The following ADAT3 variants were observed in gnomAD, a reference collection of about 807,000 sequenced individuals.
ADAT3 encodes the protein tRNA-specific adenosine-34 deaminase regulatory subunit ADAT3.
Under a neutral mutation model 3.5 loss-of-function variants are expected in ADAT3, and 2 were observed. That is an observed-to-expected ratio of 0.57 (90% CI 0.23 to 1.79). The LOEUF is 1.79. Ranked by LOEUF, ADAT3 falls within the 40% of genes most tolerant of loss-of-function variation. ADAT3 has a pLI of 0.18. For synonymous variants in ADAT3, 358 were observed against 270.3 expected (o/e 1.32, Z -3.18); for missense variants, 735 against 571.4 (o/e 1.29, Z -2.92).
Position 1,912,824 on chromosome 19 carries a change from C to A in ADAT3, c.777C>A (p.Phe259Leu), listed in dbSNP as rs921199964. The change falls in exon 2 of 2, where the codon TTC (phenylalanine) becomes TTA (leucine). Residue 259 changes from phenylalanine (F) to leucine (L), a missense_variant. By Grantham distance (22) the Phe-to-Leu change is conservative (BLOSUM62 0). Transcript: ENST00000329478. Reference protein sequence around the residue: ...ARGQGRGTYDFRPFPACSFAP... With the variant: ...ARGQGRGTYDLRPFPACSFAP... ...GCCAGGGCCGCGGCACCTACGACTT[C>A]AGACCCTTCCCCGCCTGCTCCTTCG... is the stretch of plus-strand genomic sequence containing the variant. 1.2e-5 allele frequency: 19 copies of A among 1,590,370 alleles called. No individual in the cohort carries two copies. The highest frequency in any genetic ancestry group is 1.1e-4 in the African/African-American group (8 of 74,486).
chr19:1,906,745 G>C (rs2013135482), intron 1 of ADAT3: 1 of 152,188 alleles, frequency 6.6e-6, no homozygotes, highest in East Asian at 1.9e-4. Context: ...TACTCCCAAA[G>C]GAGGCTGAGG....
In ADAT3 at chr19:1,912,024, C is replaced by G. The variant is rs942301533; in HGVS notation, c.-24C>G. The G allele has an allele frequency of 1.3e-5, 19 of 1,417,234 alleles. No homozygotes were observed. Among genetic ancestry groups the G allele is most frequent in the Non-Finnish European group, 1.6e-5 (18 of 1,092,382 alleles). 87.8% of individuals were successfully genotyped at this position (1,417,234 alleles called of 1,614,324 possible). A position where few individuals can be genotyped will look rare whatever the true frequency, so the allele number is the denominator to read the frequency against. ...CTCCCGGGACGGACTCCCCGGCTCT[C>G]CCCCAGCCGCCCGCAGCCGCCGGAT... On this transcript the variant is annotated 5_prime_UTR_variant, in exon 2 of 2. Transcript: ENST00000329478.
chr19:1,911,728 A>T (rs1002285927), intron 1 of ADAT3, among the ~76,000 whole-genome samples, 162 bp from the exon 2 acceptor site: 3 of 152,186 alleles, frequency 2.0e-5, no homozygotes, highest in Admixed American at 2.0e-4. Flanking sequence ...GGTTGCAGTG[A>T]GCTGAGATCA....
chr19:1,907,659 C>T (rs929388471), intron 1 of ADAT3, among the ~76,000 whole-genome samples: 4 of 152,148 alleles, frequency 2.6e-5, no homozygotes, highest in Non-Finnish European at 5.9e-5. Context: ...GGGTCTGACT[C>T]ACCTGCCTGG....
At position 1,912,271 on chromosome 19, in the gene ADAT3, T is replaced by C. The variant is rs760046379; in HGVS notation, c.224T>C (p.Leu75Pro). The change falls in exon 2 of 2, where the codon CTC (leucine) becomes CCC (proline). Residue 75 changes from leucine (L) to proline (P), a missense_variant. Coordinates refer to ENST00000329478, the MANE Select transcript of ADAT3 (RefSeq NM_138422.4). ...PVLDKRQTSR[L>P]LKEVSALHPL... ...CTGGACAAGCGCCAGACCTCACGCC[T>C]CCTGAAGGAGGTGTCGGCCCTGCAC... 1.3e-6 allele frequency: 2 copies of C among 1,591,976 alleles called. No individual in the cohort carries two copies. Among genetic ancestry groups the C allele is most frequent in the Non-Finnish European group, 1.7e-6 (2 of 1,172,760 alleles).
At position 1,912,114 on chromosome 19, in the gene ADAT3, C is replaced by T. The variant is rs1482874328; in HGVS notation, c.67C>T (p.Leu23Phe). The change falls in exon 2 of 2, where the codon CTC becomes TTC. Residue 23 changes from leucine to phenylalanine, a missense_variant. By Grantham distance (22) the Leu-to-Phe change is conservative. Transcript: ENST00000329478. ...ASLRMEPAPG[L>F]VEQPKCLEAG... ...GCTGAGGATGGAGCCCGCCCCGGGCCTCGTGGAGCAGCCCAAGTGCTTGGA... is the reference window on the plus strand; with the variant it reads ...GCTGAGGATGGAGCCCGCCCCGGGCTTCGTGGAGCAGCCCAAGTGCTTGGA... The T allele has an allele frequency of 2.6e-6, 4 of 1,531,484 alleles. No individual in the cohort carries two copies. Among genetic ancestry groups the T allele is most frequent in the African/African-American group, 2.8e-5 (2 of 72,312 alleles). 94.9% of individuals were successfully genotyped at this position (1,531,484 alleles called of 1,614,324 possible).
chr19:1,907,814 C>T (rs1261422954), intron 1 of ADAT3, among the ~76,000 whole-genome samples: 2 of 152,130 alleles, frequency 1.3e-5, no homozygotes, highest in East Asian at 3.9e-4. Context: ...TGGCCCCCTG[C>T]TGTTGGGGGG....
Position 1,913,242 on chromosome 19 carries a change from T to C in ADAT3, c.*91T>C. On this transcript the variant is annotated 3_prime_UTR_variant, in exon 2 of 2. Coordinates refer to ENST00000329478, the MANE Select transcript of ADAT3 (RefSeq NM_138422.4). The stretch of plus-strand genomic sequence containing the variant: ...GGCCTCGATTTCTTCCGCACAAGCC[T>C]GACCGTGGATTTCAGGGACACATAC... 1 of 1,439,244 alleles carries C rather than the reference T, an allele frequency of 6.9e-7. No homozygotes were observed. The highest frequency in any genetic ancestry group is 2.6e-4 in the Middle Eastern group (1 of 3,918). The allele number at this position is 1,439,244 out of a possible 1,614,324, so 89.2% of individuals were successfully genotyped here. A position where few individuals can be genotyped will look rare whatever the true frequency, so the allele number is the denominator to read the frequency against.
chr19:1,908,294 C>T lies in ADAT3; in HGVS notation c.-159+2855C>T, dbSNP rs1386076423. The T allele has an allele frequency of 3.7e-5, 12 of 326,046 alleles. No individual in the cohort carries two copies. The highest frequency in any genetic ancestry group is 6.1e-5 in the Non-Finnish European group (10 of 164,518). The allele number at this position is 326,046 out of a possible 1,614,324, so 20.2% of individuals were successfully genotyped here. A position where few individuals can be genotyped will look rare whatever the true frequency, so the allele number is the denominator to read the frequency against. On this transcript the variant is annotated intron_variant, in intron 1 of 1. Coordinates refer to ENST00000329478, the MANE Select transcript of ADAT3 (RefSeq NM_138422.4). The surrounding 1 kb of genome is among the most constrained non-coding windows in gnomAD (Gnocchi z 4.2). The stretch of plus-strand genomic sequence containing the variant: ...ATCTCCGGTTCTGTGCTTTGTTGAA[C>T]GCGTGAGCTTCGGGCAGCGCTGGGG...
At chr19:1,906,162 C>G (rs75357097) in intron 1 of ADAT3, 1 of 151,784 alleles carries the variant, frequency 6.6e-6, no homozygotes, top group African/African-American at 2.4e-5. Flanking sequence ...GAGTTCGAGA[C>G]CAGCCTGTCT....
At chr19:1,907,424 A>T (rs1409679074) in intron 1 of ADAT3, among the ~76,000 whole-genome samples, 1 of 148,988 alleles carries the variant, frequency 6.7e-6, no homozygotes, top group African/African-American at 2.5e-5. Flanking sequence ...AGGAATTCCC[A>T]TTTCACAGGG....
chr19:1,910,633 G>A (rs2013393996), intron 1 of ADAT3, among the ~76,000 whole-genome samples: 1 of 145,630 alleles, frequency 6.9e-6, no homozygotes, highest in Non-Finnish European at 1.5e-5. Flanking sequence ...CTGGAGTGCA[G>A]TGGCACGATC....
At chr19:1,905,934 T>A (rs1214783462) in intron 1 of ADAT3, 1 of 151,938 alleles carries the variant, frequency 6.6e-6, no homozygotes, top group Admixed American at 6.6e-5. Context: ...TTACCTAGAG[T>A]ATGAGTTTTT....
chr19:1,909,946 C>T (rs543791159), intron 1 of ADAT3, among the ~76,000 whole-genome samples: 5 of 152,326 alleles, frequency 3.3e-5, no homozygotes, highest in Admixed American at 1.3e-4. Context: ...AGCCCTTGGC[C>T]GACTAGGGGG....
Position 1,908,657 on chromosome 19 carries a change from T to C in ADAT3, c.-159+3218T>C. ...ACAGGTAGTAAGGTTTTTAGGATTT[T>C]ATTATTATTTATTTATTTGAAAAAA... On this transcript the variant is annotated intron_variant, in intron 1 of 1. Transcript: ENST00000329478. This position sits in a 1 kb window ranked among gnomAD's most constrained non-coding sequence, Gnocchi z 4.2. The C allele has an allele frequency of 2.3e-6, 1 of 441,486 alleles. No homozygotes were observed. The highest frequency in any genetic ancestry group is 1.7e-5 in the South Asian group (1 of 60,254). 27.3% of individuals were successfully genotyped at this position (441,486 alleles called of 1,614,324 possible). A position where few individuals can be genotyped will look rare whatever the true frequency, so the allele number is the denominator to read the frequency against.
In ADAT3 at chr19:1,911,949, G is replaced by C. The variant is rs927167078; in HGVS notation, c.-99G>C. The C allele has an allele frequency of 5.8e-6, 8 of 1,388,090 alleles. No homozygotes were observed. The highest frequency in any genetic ancestry group is 6.5e-6 in the Non-Finnish European group (7 of 1,073,212). The allele number at this position is 1,388,090 out of a possible 1,614,324, so 86.0% of individuals were successfully genotyped here. On this transcript the variant is annotated 5_prime_UTR_variant, in exon 2 of 2. Coordinates refer to ENST00000329478, the MANE Select transcript of ADAT3 (RefSeq NM_138422.4). The stretch of plus-strand genomic sequence containing the variant: ...GCGGTGACCTGGGCCGGAGCCCTCG[G>C]ACTAGCCTCAGCTTTGGTGGCAGCA...
In ADAT3 at chr19:1,912,088, C is replaced by G. The variant is rs1355275475; in HGVS notation, c.41C>G (p.Ser14Trp). The G allele has an allele frequency of 2.0e-6, 3 of 1,472,856 alleles. No individual in the cohort carries two copies. The highest frequency in any genetic ancestry group is 2.7e-6 in the Non-Finnish European group (3 of 1,117,244). 91.2% of individuals were successfully genotyped at this position (1,472,856 alleles called of 1,614,324 possible). ...CGTCTCTGTCTCCCACAGTCGGCCTCGCTGAGGATGGAGCCCGCCCCGGGC... is the reference window on the plus strand; with the variant it reads ...CGTCTCTGTCTCCCACAGTCGGCCTGGCTGAGGATGGAGCCCGCCCCGGGC... ...CSRLCLPQSA[S>W]LRMEPAPGLV... Residue 14 changes from serine to tryptophan, a missense_variant, in exon 2 of 2, where the codon TCG (serine) becomes TGG (tryptophan). Physicochemically the swap from Ser to Trp is radical, Grantham distance 177. Coordinates refer to ENST00000329478, the MANE Select transcript of ADAT3 (RefSeq NM_138422.4).
Position 1,913,434 on chromosome 19 carries a change from C to G in ADAT3, c.*283C>G. ...GAAACTGCTCTGATGGGAAAATAAA[C>G]AGCCCAAAACCAAGTGGGTGTCTGT... On this transcript the variant is annotated 3_prime_UTR_variant, in exon 2 of 2. Transcript: ENST00000329478. 2 of 548,856 alleles carry G rather than the reference C, an allele frequency of 3.6e-6. No homozygotes were observed. Among genetic ancestry groups the G allele is most frequent in the Non-Finnish European group, 6.6e-6 (2 of 301,938 alleles). The allele number at this position is 548,856 out of a possible 1,614,324, so 34.0% of individuals were successfully genotyped here. A position where few individuals can be genotyped will look rare whatever the true frequency, so the allele number is the denominator to read the frequency against.
chr19:1,913,444 C>T lies in ADAT3; in HGVS notation c.*293C>T, dbSNP rs73520872. 1.1e-3 allele frequency: 604 copies of T among 528,514 alleles called. No individual in the cohort carries two copies. The highest frequency in any genetic ancestry group is 0.011 in the African/African-American group (545 of 50,478). 32.7% of individuals were successfully genotyped at this position (528,514 alleles called of 1,614,324 possible). On this transcript the variant is annotated 3_prime_UTR_variant, in exon 2 of 2. Coordinates refer to ENST00000329478, the MANE Select transcript of ADAT3 (RefSeq NM_138422.4). ...TGATGGGAAAATAAACAGCCCAAAA[C>T]CAAGTGGGTGTCTGTTAGGAGGTGT...
Sources: gnomAD v4.1 joint callset for allele counts (sites outside exome capture counted in the v4.1 genomes callset) on GRCh38, gnomAD v4.1.1 for gene constraint, Gnocchi (gnomAD v3.1) non-coding constraint, MANE v1.5 for transcripts, NCBI Gene and HGNC (gene_info 2026-07-23, HGNC 2026-07-21) for gene names.